The following PCDHA3 variants were observed in gnomAD, a reference collection of about 807,000 sequenced individuals.
The protein encoded by PCDHA3 is protocadherin alpha 3.
A neutral mutation model predicts 62.2 loss-of-function variants in PCDHA3; 41 were observed. The ratio of observed to expected loss-of-function variants is 0.66; its 90% confidence interval spans 0.51 to 0.86. The LOEUF (loss-of-function observed/expected upper bound fraction) is 0.86, where lower values mean the gene tolerates loss of function less well. PCDHA3 is among the 40% of genes least tolerant of loss of function. The pLI is 0.00. For synonymous variants in PCDHA3, 640 were observed against 555.4 expected, an observed-to-expected ratio of 1.15 and a Z score of -2.14; for missense variants, 1,304 against 1,241.2, an observed-to-expected ratio of 1.05 and a Z score of -0.76.
At chr5:140,866,122 C>T (rs556292123) in intron 1 of PCDHA3, 1 of 152,178 alleles carries the variant, frequency 6.6e-6, no homozygotes, top group East Asian at 1.9e-4. Flanking sequence ...CTTATAAGAA[C>T]TACGTATCTG....
intron 1 of PCDHA3, chr5:140,875,909 C>A (rs1554168058): frequency 1.2e-6 from 2 of 1,614,048 alleles, no homozygotes; most frequent in African/African-American, 2.7e-5. Flanking sequence ...TCTGAATCTG[C>A]GCCTCTGGAC....
intron 1 of PCDHA3, chr5:140,869,664 G>T: frequency 6.2e-7 from 1 of 1,613,474 alleles, no homozygotes; most frequent in Non-Finnish European, 8.5e-7. Flanking sequence ...CAAATGGTAA[G>T]CAGATTAAAA....
intron 1 of PCDHA3, among the ~76,000 whole-genome samples, chr5:140,901,039 A>G (rs1317910770): frequency 4.6e-5 from 7 of 152,086 alleles, no homozygotes; most frequent in Non-Finnish European, 8.8e-5. Flanking sequence ...TCTTTTGCCC[A>G]TTTTAAAATT....
chr5:140,937,260 A>G (rs1427466170), intron 1 of PCDHA3, among the ~76,000 whole-genome samples: 1 of 151,830 alleles, frequency 6.6e-6, no homozygotes, highest in Non-Finnish European at 1.5e-5. Flanking sequence ...GATGGTCTCG[A>G]TCTCCTGACC....
chr5:140,876,343 T>C lies in PCDHA3; in HGVS notation c.2394+72752T>C, dbSNP rs1196276310. ...AATGATTTTGCCAGTGAGTGAGAAA[T>C]GTATGTTTTCAATAAATCCAGACAC... is the stretch of plus-strand genomic sequence containing the variant. On this transcript the variant is annotated intron_variant, in intron 1 of 3. Transcript: ENST00000522353. 2 of 1,613,972 alleles carry C rather than the reference T, an allele frequency of 1.2e-6. No individual in the cohort carries two copies. The highest frequency in any genetic ancestry group is 1.1e-5 in the South Asian group (1 of 91,090).
chr5:140,859,311 T>C (rs1441323923), intron 1 of PCDHA3: 1 of 128,808 alleles, frequency 7.8e-6, no homozygotes, highest in Non-Finnish European at 1.8e-5. Flanking sequence ...GAATTAATAT[T>C]AAAAGTTTGA....
chr5:140,892,733 C>G lies in PCDHA3; in HGVS notation c.2395-86216C>G, dbSNP rs183181952. Reference sequence around the variant, plus strand: ...CATATTCATAATCTCAAACATTTACCATTTTTGCATGGTGAACATTTAAAA... The same window carrying G: ...CATATTCATAATCTCAAACATTTACGATTTTTGCATGGTGAACATTTAAAA... On this transcript the variant is annotated intron_variant, in intron 1 of 3. Coordinates refer to ENST00000522353, the MANE Select transcript of PCDHA3 (RefSeq NM_018906.3). Among the ~76,000 whole-genome samples the G allele has an allele frequency of 8.1e-4, 123 of 152,172 alleles. No individual in the cohort carries two copies. In the Middle Eastern group the frequency reaches 0.02, roughly 25 times the overall value.
chr5:140,908,050 G>A (rs1554193217), intron 1 of PCDHA3, among the ~76,000 whole-genome samples: 1 of 152,120 alleles, frequency 6.6e-6, no homozygotes, highest in African/African-American at 2.4e-5. Context: ...TGCACATCCG[G>A]CCATTTCTCC....
intron 1 of PCDHA3, chr5:140,929,069 G>A (rs1554206647): frequency 1.2e-6 from 2 of 1,614,192 alleles, no homozygotes; most frequent in Non-Finnish European, 8.5e-7. Context: ...GAGGATCTGA[G>A]GTATGGAAGT....
At chr5:140,825,589 A>AT (rs1554130291) in intron 1 of PCDHA3, 2 of 151,442 alleles carry the variant, frequency 1.3e-5, no homozygotes, top group African/African-American at 4.9e-5. Context: ...CACCTGGCTA[A>AT]TTTTTTGTAT....
chr5:140,883,256 A>G, intron 1 of PCDHA3: 2 of 1,614,146 alleles, frequency 1.2e-6, no homozygotes, highest in Non-Finnish European at 1.7e-6. Flanking sequence ...AAATATTCCA[A>G]TGGCGGGTCA....
intron 1 of PCDHA3, chr5:140,823,801 A>G: frequency 1.2e-6 from 2 of 1,613,744 alleles, no homozygotes; most frequent in African/African-American, 1.3e-5. Flanking sequence ...CCAGGCGCCG[A>G]AGGCCTCATC....
rs186179297 is a variant in PCDHA3, at chr5:140,987,139, G to A, written c.2542+4576G>A. Among the ~76,000 whole-genome samples the A allele has an allele frequency of 5.1e-4, 78 of 151,932 alleles. 3 individuals are homozygous for A. The East Asian group carries it at 0.014, about 28-fold the overall frequency. On this transcript the variant is annotated intron_variant, in intron 3 of 3. Transcript: ENST00000522353. The stretch of plus-strand genomic sequence containing the variant: ...TGAGGCAGGAGAATTGCTTGAACTC[G>A]GGAGGTGGAGGTTGCAGTGAGCTGA...
chr5:140,870,504 C>T (rs782464928), intron 1 of PCDHA3: 13 of 1,614,114 alleles, frequency 8.1e-6, no homozygotes, highest in Middle Eastern at 3.3e-4. Context: ...AGGAGAACAA[C>T]CCACCAGGCT....
At chr5:140,952,146 C>T (rs1204696324) in intron 1 of PCDHA3, among the ~76,000 whole-genome samples, 1 of 152,062 alleles carries the variant, frequency 6.6e-6, no homozygotes, top group African/African-American at 2.4e-5. Context: ...AGCTCCACTC[C>T]TGTGGCTTTG....
intron 1 of PCDHA3, chr5:140,863,011 C>A (rs782711409): frequency 1.8e-6 from 1 of 552,250 alleles, no homozygotes. Flanking sequence ...CCAGCTATGA[C>A]GCCTGGTTGT....
At chr5:140,829,447 T>G (rs2150168122) in intron 1 of PCDHA3, 1 of 1,613,912 alleles carries the variant, frequency 6.2e-7, no homozygotes, top group Non-Finnish European at 8.5e-7. Context: ...ATGACAATGC[T>G]CCGGCGTTCG....
chr5:140,869,977 T>C (rs2051552630), intron 1 of PCDHA3: 1 of 1,613,234 alleles, frequency 6.2e-7, no homozygotes, highest in Non-Finnish European at 8.5e-7. Flanking sequence ...AAGACACTTA[T>C]TTACACTAGA....
chr5:140,877,581 C>G (rs904001764), intron 1 of PCDHA3: 1 of 1,613,842 alleles, frequency 6.2e-7, no homozygotes, highest in Admixed American at 1.7e-5. Context: ...TCATCATCGC[C>G]ATCTGTGCGG....
Sources: gnomAD v4.1 joint callset for allele counts (sites outside exome capture counted in the v4.1 genomes callset) on GRCh38, gnomAD v4.1.1 for gene constraint, MANE v1.5 for transcripts, NCBI Gene and HGNC (gene_info 2026-07-23, HGNC 2026-07-21) for gene names.